Variants in REEP1 observed in about 807,000 individuals in gnomAD.
The protein encoded by REEP1 is receptor expression-enhancing protein 1.
Under a neutral mutation model 40.3 loss-of-function variants are expected in REEP1, and 22 were observed. That is an observed-to-expected ratio of 0.55 (90% CI 0.39 to 0.78). The LOEUF is 0.78. Among genes scored for constraint, REEP1 ranks in the 30% least tolerant of loss-of-function variants. The pLI, the probability that REEP1 is intolerant of heterozygous loss-of-function variation, is 0.00. For synonymous variants in REEP1, 116 were observed against 139.2 expected (o/e 0.83, Z 1.17); for missense variants, 280 against 361.1 (o/e 0.78, Z 1.82).
intron 6 of REEP1, among the ~76,000 whole-genome samples, chr2:86,231,518 G>T (rs1363108509): frequency 6.6e-6 from 1 of 152,248 alleles, no homozygotes; most frequent in Non-Finnish European, 1.5e-5. Flanking sequence ...CCGGGCATCA[G>T]ATGGGGTCTG....
At chr2:86,278,890 T>C (rs1434643847) in intron 2 of REEP1, among the ~76,000 whole-genome samples, 1 of 152,210 alleles carries the variant, frequency 6.6e-6, no homozygotes, top group East Asian at 1.9e-4. Context: ...GTAAATTCCT[T>C]TCTGTTTAAG....
rs565125898 is a variant in REEP1 at position 86,268,176 on chromosome 2, TAC to T, written c.106-4137_106-4136del. On this transcript the variant is annotated intron_variant, in intron 2 of 8. Coordinates refer to ENST00000538924, the MANE Select transcript of REEP1 (RefSeq NM_001371279.1). Reference sequence around the variant, plus strand: ...AATAAGACAAGAAACAGAAAACATATACAGACTGGGAAGAAAGAGATAAAACC... The same window carrying T: ...AATAAGACAAGAAACAGAAAACATATAGACTGGGAAGAAAGAGATAAAACC... 5.1e-3 allele frequency among the ~76,000 whole-genome samples: 770 copies of T among 152,164 alleles called. 3 individuals carry two copies. The highest frequency in any genetic ancestry group is 0.018 in the African/African-American group (729 of 41,518).
intron 4 of REEP1, among the ~76,000 whole-genome samples, 170 bp from the exon 5 acceptor site, chr2:86,252,240 T>C (rs1676325888): frequency 1.3e-5 from 2 of 152,190 alleles, no homozygotes; most frequent in Admixed American, 1.3e-4. Context: ...AGAGCAGAGA[T>C]ACAGGAGAGT....
chr2:86,301,663 G>A (rs1417985670), intron 1 of REEP1, among the ~76,000 whole-genome samples: 1 of 152,178 alleles, frequency 6.6e-6, no homozygotes, highest in African/African-American at 2.4e-5. Context: ...TCATTTATGA[G>A]AGAGCATCCT....
intron 8 of REEP1, among the ~76,000 whole-genome samples, chr2:86,218,750 T>C (rs1674259383): frequency 6.6e-6 from 1 of 152,196 alleles, no homozygotes; most frequent in Non-Finnish European, 1.5e-5. Flanking sequence ...CCAAACCCTC[T>C]AACTTTAAAA....
At chr2:86,292,663 G>A (rs1051359496) in intron 1 of REEP1, among the ~76,000 whole-genome samples, 1 of 152,098 alleles carries the variant, frequency 6.6e-6, no homozygotes, top group African/African-American at 2.4e-5. Flanking sequence ...TTCATCTAAA[G>A]CCCCCTACAT....
chr2:86,288,925 T>A (rs752712720), intron 1 of REEP1, among the ~76,000 whole-genome samples: 1 of 152,220 alleles, frequency 6.6e-6, no homozygotes, highest in Non-Finnish European at 1.5e-5. Flanking sequence ...CCTGTTTATA[T>A]CCCTCCATTA....
chr2:86,329,521 G>T lies in REEP1; in HGVS notation c.32+7958C>A, dbSNP rs571644611. Reference sequence around the variant, plus strand: ...ACCAGAAAGCATGAATGACAGTCTAGCACAAATGGTGGCTTGCAATTGAAT... The same window carrying T: ...ACCAGAAAGCATGAATGACAGTCTATCACAAATGGTGGCTTGCAATTGAAT... On this transcript the variant is annotated intron_variant, in intron 1 of 8. Coordinates refer to ENST00000538924, the MANE Select transcript of REEP1 (RefSeq NM_001371279.1). 7.9e-5 allele frequency among the ~76,000 whole-genome samples: 12 copies of T among 152,274 alleles called. No homozygotes were observed. The South Asian group carries it at 2.5e-3, about 32-fold the overall frequency.
At chr2:86,252,727 C>G (rs1558890310) in intron 4 of REEP1, among the ~76,000 whole-genome samples, 1 of 152,046 alleles carries the variant, frequency 6.6e-6, no homozygotes, top group Non-Finnish European at 1.5e-5. Flanking sequence ...ATTTGTATAT[C>G]GATGGGAGGG....
chr2:86,246,340 T>C (rs1389672761), intron 5 of REEP1, among the ~76,000 whole-genome samples: 2 of 152,212 alleles, frequency 1.3e-5, no homozygotes, highest in African/African-American at 4.8e-5. Flanking sequence ...TGGAGCCATA[T>C]ACACACAAAC....
intron 2 of REEP1, among the ~76,000 whole-genome samples, chr2:86,270,674 T>C (rs1220112385): frequency 6.6e-6 from 1 of 152,190 alleles, no homozygotes; most frequent in Non-Finnish European, 1.5e-5. Flanking sequence ...ATTAACAGCA[T>C]ATTGGATACA....
At chr2:86,220,214 G>C (rs774458353) in intron 7 of REEP1, 93 bp from the exon 8 acceptor site, 117 of 884,798 alleles carry the variant, frequency 1.3e-4, no homozygotes, top group Non-Finnish European at 1.6e-4. Context: ...TAGGCACACA[G>C]CACAGCAAAC....
At position 86,216,779 on chromosome 2, in the gene REEP1, G is replaced by A; in HGVS notation, c.*260C>T. On this transcript the variant is annotated 3_prime_UTR_variant, in exon 9 of 9. Coordinates refer to ENST00000538924, the MANE Select transcript of REEP1 (RefSeq NM_001371279.1). ...CTGTCTATAATGACAATCCAATTGT[G>A]GAAAATTACCAACCTCAGAAGACTT... is the stretch of plus-strand genomic sequence containing the variant. 2.2e-6 allele frequency: 1 copy of A among 456,176 alleles called. No individual in the cohort carries two copies. The highest frequency in any genetic ancestry group is 2.8e-5 in the South Asian group (1 of 36,028). 28.3% of individuals were successfully genotyped at this position (456,176 alleles called of 1,614,324 possible). A position where few individuals can be genotyped will look rare whatever the true frequency, so the allele number is the denominator to read the frequency against.
At chr2:86,257,415 T>G (rs79259476) in intron 3 of REEP1, among the ~76,000 whole-genome samples, 3,494 of 152,268 alleles carry the variant, frequency 0.023, 136 homozygotes, top group African/African-American at 0.078. Context: ...GTCCCTTTTC[T>G]AAAAGCAAAA....
chr2:86,284,218 C>A (rs1678258682), intron 1 of REEP1, among the ~76,000 whole-genome samples: 2 of 152,082 alleles, frequency 1.3e-5, no homozygotes, highest in African/African-American at 4.8e-5. Context: ...CTCGGGGAGG[C>A]CTTTCCTGAC....
chr2:86,289,005 A>G (rs1360428033), intron 1 of REEP1, among the ~76,000 whole-genome samples: 1 of 152,116 alleles, frequency 6.6e-6, no homozygotes, highest in East Asian at 1.9e-4. Flanking sequence ...TCTCGGACAT[A>G]TGCATTACAA....
intron 5 of REEP1, among the ~76,000 whole-genome samples, chr2:86,250,802 G>A (rs968064837): frequency 7.2e-5 from 11 of 152,088 alleles, no homozygotes; most frequent in Admixed American, 2.0e-4. Flanking sequence ...GCAACTACCC[G>A]GCCCAGTGTG....
intron 1 of REEP1, among the ~76,000 whole-genome samples, chr2:86,332,353 C>G (rs574877370): frequency 6.6e-6 from 1 of 151,686 alleles, no homozygotes; most frequent in African/African-American, 2.4e-5. Flanking sequence ...TCATCCCTGG[C>G]AGTGAAATTC....
At chr2:86,299,442 T>C (rs1368235841) in intron 1 of REEP1, among the ~76,000 whole-genome samples, 3 of 152,214 alleles carry the variant, frequency 2.0e-5, no homozygotes, top group Admixed American at 6.5e-5. Flanking sequence ...CAGCCCCTGC[T>C]TGAGAACCAC....
Sources: gnomAD v4.1 joint callset for allele counts (sites outside exome capture counted in the v4.1 genomes callset) on GRCh38, gnomAD v4.1.1 for gene constraint, MANE v1.5 for transcripts, NCBI Gene and HGNC (gene_info 2026-07-23, HGNC 2026-07-21) for gene names.